Variants in KRT77 observed in about 807,000 individuals in gnomAD.
KRT77 encodes the protein keratin 77, also known as keratin, type II cytoskeletal 1b.
In KRT77, 44 loss-of-function variants were observed where a neutral mutation model predicts 51.5. That is an observed-to-expected ratio of 0.85 (90% CI 0.67 to 1.10). KRT77 has a LOEUF of 1.10. Ranked by LOEUF, KRT77 falls within the 50% of genes least tolerant of loss-of-function variation. KRT77 has a pLI of 0.00. For synonymous variants in KRT77, 293 were observed against 302.0 expected, an observed-to-expected ratio of 0.97 and a Z score of 0.31; for missense variants, 763 against 743.9, an observed-to-expected ratio of 1.03 and a Z score of -0.30.
chr12:52,694,478 G>C (rs534380867), intron 5 of KRT77, 148 bp downstream of exon 5: 3 of 676,890 alleles, frequency 4.4e-6, no homozygotes, highest in Middle Eastern at 4.3e-4. Flanking sequence ...GCGGTAGTGA[G>C]AGATGGGTAA....
In KRT77 at chr12:52,697,190, A is replaced by G. The variant is rs149869794; in HGVS notation, c.758+492T>C. Among the ~76,000 whole-genome samples, 941 of 152,362 alleles carry G rather than the reference A, an allele frequency of 6.2e-3. 42 individuals carry two copies. The South Asian group carries it at 0.11, about 18-fold the overall frequency. Reference sequence around the variant, plus strand: ...ACAAGCATCAGCATCACTTGGAAACATGTTAGAAGTACAAACACTCTTGCT... The same window carrying G: ...ACAAGCATCAGCATCACTTGGAAACGTGTTAGAAGTACAAACACTCTTGCT... On this transcript the variant is annotated intron_variant, in intron 2 of 8. Transcript: ENST00000341809.
chr12:52,695,883 A>G lies in KRT77; in HGVS notation c.820-16T>C. On this transcript the variant is annotated splice_polypyrimidine_tract_variant and intron_variant, in intron 3 of 8. Coordinates refer to ENST00000341809, the MANE Select transcript of KRT77 (RefSeq NM_175078.3). Reference sequence around the variant, plus strand: ...CATCCACATCCTGAATAGCAGGCAGAAACAGTTTGACTTTATTGCCCAGGC... The same window carrying G: ...CATCCACATCCTGAATAGCAGGCAGGAACAGTTTGACTTTATTGCCCAGGC... 3 of 1,554,754 alleles carry G rather than the reference A, an allele frequency of 1.9e-6. No individual in the cohort carries two copies. Among genetic ancestry groups the G allele is most frequent in the Non-Finnish European group, 2.7e-6 (3 of 1,125,806 alleles).
chr12:52,692,323 CA>C, intron 7 of KRT77, 97 bp downstream of exon 7: 1 of 1,386,142 alleles, frequency 7.2e-7, no homozygotes, highest in Non-Finnish European at 9.9e-7. Flanking sequence ...CCAATCTTCC[CA>C]AAAAGGTGGG....
At chr12:52,702,768 A>C in intron 1 of KRT77, 124 bp downstream of exon 1, 1 of 961,966 alleles carries the variant, frequency 1.0e-6, no homozygotes, top group Non-Finnish European at 1.6e-6. Flanking sequence ...CCAAATGGGT[A>C]AATGATTTTC....
Position 52,698,126 on chromosome 12 carries a change from C to A in KRT77, c.544-230G>T, listed in dbSNP as rs1239977270. 5 of 1,443,234 alleles carry A rather than the reference C, an allele frequency of 3.5e-6. No homozygotes were observed. The East Asian group carries it at 1.5e-4, about 44-fold the overall frequency. 89.4% of individuals were successfully genotyped at this position (1,443,234 alleles called of 1,614,324 possible). A position where few individuals can be genotyped will look rare whatever the true frequency, so the allele number is the denominator to read the frequency against. On this transcript the variant is annotated intron_variant, in intron 1 of 8. Transcript: ENST00000341809. ...GCCTAAAATTGACACTAAGCTCACTCTGGTTTTGAAGGTAAATCACCTCCT... is the reference window on the plus strand; with the variant it reads ...GCCTAAAATTGACACTAAGCTCACTATGGTTTTGAAGGTAAATCACCTCCT...
chr12:52,701,226 T>A (rs1941883087), intron 1 of KRT77, among the ~76,000 whole-genome samples: 1 of 152,236 alleles, frequency 6.6e-6, no homozygotes, highest in Non-Finnish European at 1.5e-5. Flanking sequence ...CTCCGAGTAG[T>A]GACTCCTTGC....
rs368529830 is a variant in KRT77, at chr12:52,695,882, G to C, written c.820-15C>G. 84 of 1,553,606 alleles carry C rather than the reference G, an allele frequency of 5.4e-5. No homozygotes were observed. Among genetic ancestry groups the C allele is most frequent in the Non-Finnish European group, 6.0e-5 (68 of 1,124,886 alleles). On this transcript the variant is annotated splice_polypyrimidine_tract_variant and intron_variant, in intron 3 of 8. Coordinates refer to ENST00000341809, the MANE Select transcript of KRT77 (RefSeq NM_175078.3). Reference sequence around the variant, plus strand: ...GCATCCACATCCTGAATAGCAGGCAGAAACAGTTTGACTTTATTGCCCAGG... The same window carrying C: ...GCATCCACATCCTGAATAGCAGGCACAAACAGTTTGACTTTATTGCCCAGG...
At position 52,703,048 on chromosome 12, in the gene KRT77, A is replaced by C; in HGVS notation, c.387T>G (p.Pro129=). The change falls in exon 1 of 9, where the codon CCT becomes CCG. Residue 129 remains proline, a synonymous_variant. Transcript: ENST00000341809. ...CTTGGATGCCCCCAGGAGGACAATAAGGACCAAAGCCCCCAAGCCCAAAAT... is the reference window on the plus strand; with the variant it reads ...CTTGGATGCCCCCAGGAGGACAATACGGACCAAAGCCCCCAAGCCCAAAAT... The part of the protein sequence containing the change: ...TSNFGLGGFG[P]YCPPGGIQEV... 1 of 1,614,016 alleles carries C rather than the reference A, an allele frequency of 6.2e-7. No individual in the cohort carries two copies. The highest frequency in any genetic ancestry group is 8.5e-7 in the Non-Finnish European group (1 of 1,179,996).
chr12:52,693,894 T>A (rs1941752625), intron 5 of KRT77, among the ~76,000 whole-genome samples: 1 of 151,776 alleles, frequency 6.6e-6, no homozygotes, highest in Non-Finnish European at 1.5e-5. Flanking sequence ...AAAATTAGCT[T>A]GGTGTAGTGG....
chr12:52,692,877 G>A lies in KRT77; in HGVS notation c.1084C>T (p.Gln362Ter), dbSNP rs1221395095. The change falls in exon 6 of 9, where the codon CAG becomes TAG. Residue 362 changes from glutamine to a stop codon, truncating the protein, a stop_gained. Transcript: ENST00000341809. LOFTEE classifies it high-confidence loss of function. ...EAEALYQTKY[Q>*]ELQITAGRHG... ...CTCCCTGCCGTGATCTGGAGCTCCT[G>A]GTACTGGGGCCAAAGGCAGCATCAT... The A allele has an allele frequency of 1.2e-6, 2 of 1,603,652 alleles. No homozygotes were observed. Among genetic ancestry groups the A allele is most frequent in the African/African-American group, 2.7e-5 (2 of 74,700 alleles).
chr12:52,692,923 C>T, intron 5 of KRT77, 43 bp from the exon 6 acceptor site: 2 of 1,595,104 alleles, frequency 1.3e-6, no homozygotes, highest in Non-Finnish European at 1.7e-6. Context: ...TGCTGCCCAC[C>T]ACAAGCCCCT....
Position 52,691,365 on chromosome 12 carries a change from C to A in KRT77, c.1537G>T (p.Gly513Cys). 4 of 1,602,710 alleles carry A rather than the reference C, an allele frequency of 2.5e-6. No homozygotes were observed. The highest frequency in any genetic ancestry group is 3.4e-6 in the Non-Finnish European group (4 of 1,177,018). ...CCGCCATAGCCCCCACCGCTGCCGC[C>A]GCCGTAGCCTCCTGAGCCGTAGCTG... is the stretch of plus-strand genomic sequence containing the variant. ...GGSYGSGGYG[G>C]GSGGGYGGGR... is the part of the protein sequence containing the mutation. The change falls in exon 9 of 9, where the codon GGC (glycine) becomes TGC (cysteine). Residue 513 changes from glycine to cysteine, a missense_variant. Gly to Cys is a radical substitution (Grantham distance 159). Transcript: ENST00000341809.
chr12:52,694,873 C>T (rs1941771342), intron 4 of KRT77, 83 bp from the exon 5 acceptor site: 8 of 1,289,678 alleles, frequency 6.2e-6, no homozygotes, highest in East Asian at 2.5e-5. Context: ...TCAAGGCTCT[C>T]GGGGGAAGCC....
chr12:52,692,640 A>ATCTGC lies in KRT77; in HGVS notation c.1207-4_1207dup (p.Ile403SerfsTer85), dbSNP rs1941732277. ...CGAAATGAGTGACTGCATCTGTTCA[A>ATCTGC]TCTGCTCCAGAGACAGTTGGAGACC... is the stretch of plus-strand genomic sequence containing the variant. On this transcript the variant is annotated frameshift_variant and splice_region_variant, in exon 7 of 9. Transcript: ENST00000341809. LOFTEE classifies it high-confidence loss of function. 1 of 1,563,086 alleles carries ATCTGC rather than the reference A, an allele frequency of 6.4e-7. No homozygotes were observed. Among genetic ancestry groups the ATCTGC allele is most frequent in the Admixed American group, 1.7e-5 (1 of 57,838 alleles).
chr12:52,697,269 T>G (rs1220060188), intron 2 of KRT77, among the ~76,000 whole-genome samples: 1 of 152,232 alleles, frequency 6.6e-6, no homozygotes, highest in Admixed American at 6.5e-5. Flanking sequence ...AGCAATCTGA[T>G]TCCAGCAAAC....
intron 1 of KRT77, among the ~76,000 whole-genome samples, chr12:52,700,743 T>C (rs1941876109): frequency 6.6e-6 from 1 of 152,170 alleles, no homozygotes; most frequent in African/African-American, 2.4e-5. Context: ...CAGCTGCGGG[T>C]TGAAGGGCAA....
Position 52,694,785 on chromosome 12 carries a change from C to A in KRT77, c.921G>T (p.Leu307=). 6.3e-7 allele frequency: 1 copy of A among 1,599,844 alleles called. No individual in the cohort carries two copies. The highest frequency in any genetic ancestry group is 8.6e-7 in the Non-Finnish European group (1 of 1,169,208). The part of the protein sequence containing the change: ...NFLKYLFLTE[L]SQVQTHISDT... ...CGCTGATGTGAGTCTGCACCTGAGACAGCTCCTGCGAGGCATGGCGCACAG... is the reference window on the plus strand; with the variant it reads ...CGCTGATGTGAGTCTGCACCTGAGAAAGCTCCTGCGAGGCATGGCGCACAG... The change falls in exon 5 of 9, where the codon CTG becomes CTT. Residue 307 remains leucine (L), a synonymous_variant. Coordinates refer to ENST00000341809, the MANE Select transcript of KRT77 (RefSeq NM_175078.3).
In KRT77 at chr12:52,703,224, A is replaced by G; in HGVS notation, c.211T>C (p.Ser71Pro). The change falls in exon 1 of 9, where the codon TCC becomes CCC. Residue 71 changes from serine to proline, a missense_variant. Coordinates refer to ENST00000341809, the MANE Select transcript of KRT77 (RefSeq NM_175078.3). ...LYNLGGSRSI[S>P]INLMGRSTSG... is the part of the protein sequence containing the mutation. ...GTGCTCCTCCCCATTAGATTAATGG[A>G]GATGCTTCTACTGCCACCCAGATTG... The G allele has an allele frequency of 1.9e-6, 3 of 1,611,024 alleles. No homozygotes were observed. Among genetic ancestry groups the G allele is most frequent in the Non-Finnish European group, 2.5e-6 (3 of 1,178,736 alleles).
Position 52,690,730 on chromosome 12 carries a change from G to A in KRT77, c.*435C>T. ...ATGCCTGGTATCTTTTAGCACTGGG[G>A]ATTAATACTTAGCTGCAGTGGCTTG... On this transcript the variant is annotated 3_prime_UTR_variant, in exon 9 of 9. Coordinates refer to ENST00000341809, the MANE Select transcript of KRT77 (RefSeq NM_175078.3). 1 of 271,930 alleles carries A rather than the reference G, an allele frequency of 3.7e-6. No homozygotes were observed. Among genetic ancestry groups the A allele is most frequent in the Non-Finnish European group, 7.0e-6 (1 of 142,792 alleles). 16.8% of individuals were successfully genotyped at this position (271,930 alleles called of 1,614,324 possible).
Sources: allele counts gnomAD v4.1 joint callset (sites outside exome capture counted in the v4.1 genomes callset), GRCh38; gene constraint gnomAD v4.1.1; transcripts MANE v1.5; gene names NCBI Gene and HGNC (gene_info 2026-07-23, HGNC 2026-07-21).